Variants in GBF1 observed in about 807,000 individuals in gnomAD.
GBF1 encodes the protein golgi brefeldin A resistant guanine nucleotide exchange factor 1, also known as Golgi-specific brefeldin A-resistance guanine nucleotide exchange factor 1.
In GBF1, 114 loss-of-function variants were observed where a neutral mutation model predicts 210.5. That is an observed-to-expected ratio of 0.54 (90% CI 0.47 to 0.63). GBF1 has a LOEUF of 0.63. Ranked by LOEUF, GBF1 falls within the 30% of genes least tolerant of loss-of-function variation. The probability of loss-of-function intolerance (pLI) is 0.00; values close to 1 mark genes in which losing one functional copy is unlikely to be tolerated. For missense variants in GBF1, 1,851 were observed against 2,357.7 expected (o/e 0.79, Z 4.45); for synonymous variants, 850 against 889.2 (o/e 0.96, Z 0.78).
At chr10:102,376,238 A>T in intron 30 of GBF1, 34 bp from the exon 31 acceptor site, 1 of 1,592,602 alleles carries the variant, frequency 6.3e-7, no homozygotes, top group Non-Finnish European at 8.6e-7. Flanking sequence ...CCCCATCCCC[A>T]CCCTGACTCT....
At chr10:102,360,462 G>T in intron 12 of GBF1, 67 bp downstream of exon 12, 1 of 1,049,326 alleles carries the variant, frequency 9.5e-7, no homozygotes, top group Non-Finnish European at 1.5e-6. Flanking sequence ...GGGAGGTCTG[G>T]CTGATTACGC....
Position 102,363,865 on chromosome 10 carries a change from T to C in GBF1, c.2106+67T>C. On this transcript the variant is annotated intron_variant, in intron 17 of 39. Coordinates refer to ENST00000369983, the MANE Select transcript of GBF1 (RefSeq NM_001377137.1). This position sits in a 1 kb window ranked among gnomAD's most constrained non-coding sequence, Gnocchi z 4.2. The stretch of plus-strand genomic sequence containing the variant: ...GGTGTCCAGTGTTGTAGGGTTTCCA[T>C]CTCAGAAGATGAAGGAGAGTCTAGC... 2 of 948,558 alleles carry C rather than the reference T, an allele frequency of 2.1e-6. No individual in the cohort carries two copies. Among genetic ancestry groups the C allele is most frequent in the South Asian group, 1.3e-5 (1 of 74,746 alleles). The allele number at this position is 948,558 out of a possible 1,614,324, so 58.8% of individuals were successfully genotyped here. A position where few individuals can be genotyped will look rare whatever the true frequency, so the allele number is the denominator to read the frequency against.
chr10:102,368,749 A>G lies in GBF1; in HGVS notation c.2890A>G (p.Met964Val). 1 of 1,612,034 alleles carries G rather than the reference A, an allele frequency of 6.2e-7. No individual in the cohort carries two copies. Among genetic ancestry groups the G allele is most frequent in the Non-Finnish European group, 8.5e-7 (1 of 1,178,126 alleles). The change falls in exon 23 of 40, where the codon ATG (methionine) becomes GTG (valine). Residue 964 changes from methionine (M) to valine (V), a missense_variant. Met to Val is a conservative substitution (Grantham distance 21, BLOSUM62 1). Around this residue, in one of 3 missense-constraint regions of GBF1, gnomAD observed 967 missense variants for 1,247.7 expected, o/e 0.78. Coordinates refer to ENST00000369983, the MANE Select transcript of GBF1 (RefSeq NM_001377137.1). ...KAISGFRKCA[M>V]ISAHYGLSDV... is the part of the protein sequence containing the mutation. Reference sequence around the variant, plus strand: ...GGGGTAACATTACAGGAAGTGCGCCATGATCTCCGCCCACTATGGCCTCAG... The same window carrying G: ...GGGGTAACATTACAGGAAGTGCGCCGTGATCTCCGCCCACTATGGCCTCAG...
At position 102,375,491 on chromosome 10, in the gene GBF1, G is replaced by A. The variant is rs1265873461; in HGVS notation, c.3793G>A (p.Ala1265Thr). 1 of 1,613,772 alleles carries A rather than the reference G, an allele frequency of 6.2e-7. No homozygotes were observed. Among genetic ancestry groups the A allele is most frequent in the Non-Finnish European group, 8.5e-7 (1 of 1,179,776 alleles). The change falls in exon 30 of 40, where the codon GCC (alanine) becomes ACC (threonine). Residue 1265 changes from alanine (A) to threonine (T), a missense_variant. Ala to Thr is a moderately conservative substitution (Grantham distance 58, BLOSUM62 0). Around this residue, in one of 3 missense-constraint regions of GBF1, gnomAD observed 967 missense variants for 1,247.7 expected, o/e 0.78. Transcript: ENST00000369983. ...AANIHSGDDW[A>T]TLFTLLECIG... ...CAACATCCACTCAGGTGATGACTGG[G>A]CCACACTCTTCACACTGCTGGAGTG... is the stretch of plus-strand genomic sequence containing the variant.
intron 11 of GBF1, 49 bp downstream of exon 11, chr10:102,359,484 C>T (rs71471243): frequency 1.4e-6 from 2 of 1,392,690 alleles, no homozygotes; most frequent in Non-Finnish European, 2.0e-6. Flanking sequence ...ATCCTACCTA[C>T]TAAGCTGCCT....
chr10:102,293,010 TTCAA>T (rs1245586877), intron 3 of GBF1, among the ~76,000 whole-genome samples: 38 of 152,352 alleles, frequency 2.5e-4, no homozygotes, highest in African/African-American at 8.9e-4. Context: ...TCTTTAAATT[TTCAA>T]TCATTCTTAA....
intron 32 of GBF1, 24 bp downstream of exon 32, chr10:102,376,824 G>A: frequency 3.7e-6 from 6 of 1,609,174 alleles, no homozygotes; most frequent in Non-Finnish European, 5.1e-6. Context: ...TGAGGGGGCA[G>A]CTGGGGAGTA....
At chr10:102,294,685 T>C (rs933528991) in intron 3 of GBF1, among the ~76,000 whole-genome samples, 6 of 152,128 alleles carry the variant, frequency 3.9e-5, no homozygotes, top group African/African-American at 1.4e-4. Context: ...CCATTTTGTA[T>C]CTTTTATGCA....
chr10:102,231,680 G>A, the GBF1 span: 1 of 1,612,108 alleles, frequency 6.2e-7, no homozygotes, highest in South Asian at 1.1e-5. Context: ...GTCGCCTCTA[G>A]CTCCTGTAGC....
chr10:102,343,799 CAAAAA>C (rs56360033), intron 3 of GBF1, among the ~76,000 whole-genome samples: 1 of 124,306 alleles, frequency 8.0e-6, no homozygotes, highest in Admixed American at 8.2e-5. Flanking sequence ...CTCTGTCTGA[CAAAAA>C]AAAAAAAAAA....
chr10:102,382,098 C>A lies in GBF1; in HGVS notation c.5345C>A (p.Ser1782Tyr), dbSNP rs1394477211. 1 of 1,586,066 alleles carries A rather than the reference C, an allele frequency of 6.3e-7. No individual in the cohort carries two copies. The highest frequency in any genetic ancestry group is 1.4e-5 in the African/African-American group (1 of 74,042). ...PESPRAASSS[S>Y]PGSPVASSPS... ...AGCCCCCGAGCCGCCAGCAGCAGCT[C>A]CCCAGGATCACCAGTGGCCTCAAGC... Residue 1782 changes from serine to tyrosine, a missense_variant, in exon 40 of 40, where the codon TCC becomes TAC. By Grantham distance (144) the Ser-to-Tyr change is moderately radical (BLOSUM62 -2). This residue lies in a region of GBF1 where 967 missense variants were observed against 1,247.7 expected (regional missense o/e 0.78). Coordinates refer to ENST00000369983, the MANE Select transcript of GBF1 (RefSeq NM_001377137.1).
At chr10:102,360,417 G>C in intron 12 of GBF1, 22 bp downstream of exon 12, 3 of 1,487,944 alleles carry the variant, frequency 2.0e-6, no homozygotes, top group Non-Finnish European at 2.8e-6. Context: ...TTGCTAGAGG[G>C]TCTCAGAGCC....
chr10:102,323,865 A>G (rs2056658380), intron 3 of GBF1, among the ~76,000 whole-genome samples: 1 of 152,172 alleles, frequency 6.6e-6, no homozygotes, highest in African/African-American at 2.4e-5. Context: ...ACAGAAATAC[A>G]GAGTTCACTT....
chr10:102,267,168 A>G (rs576343671), intron 3 of GBF1, among the ~76,000 whole-genome samples: 25 of 152,204 alleles, frequency 1.6e-4, no homozygotes, highest in Non-Finnish European at 3.4e-4. Flanking sequence ...GTGTAGAGAA[A>G]AGAGATTTTA....
intron 14 of GBF1, among the ~76,000 whole-genome samples, chr10:102,362,256 C>T (rs902513732): frequency 6.6e-6 from 1 of 151,652 alleles, no homozygotes; most frequent in African/African-American, 2.4e-5. Context: ...CGGGGTTTCA[C>T]CATGTTAGCC....
intron 3 of GBF1, among the ~76,000 whole-genome samples, chr10:102,282,088 G>A (rs1472149917): frequency 2.2e-5 from 3 of 137,906 alleles, no homozygotes; most frequent in Admixed American, 7.5e-5. Context: ...CACCACACCC[G>A]GCTAATTTTT....
rs780120198 is a variant in GBF1, at chr10:102,365,493, A to G, written c.2203A>G (p.Thr735Ala). 5.6e-6 allele frequency: 9 copies of G among 1,614,062 alleles called. No homozygotes were observed. The highest frequency in any genetic ancestry group is 6.8e-6 in the Non-Finnish European group (8 of 1,179,898). ...CCTCCTCACCATCCCAATGGACAACACAGAGGTTGCTCAGTGGCTCCGAGA... is the reference window on the plus strand; with the variant it reads ...CCTCCTCACCATCCCAATGGACAACGCAGAGGTTGCTCAGTGGCTCCGAGA... ...KGLLTIPMDN[T>A]EVAQWLRENP... Residue 735 changes from threonine to alanine, a missense_variant, in exon 18 of 40, where the codon ACA (threonine) becomes GCA (alanine). Physicochemically the swap from Thr to Ala is moderately conservative, Grantham distance 58. Around this residue, in one of 3 missense-constraint regions of GBF1, gnomAD observed 804 missense variants for 958.6 expected, o/e 0.84. Coordinates refer to ENST00000369983, the MANE Select transcript of GBF1 (RefSeq NM_001377137.1).
chr10:102,379,815 A>T (rs374950446), intron 35 of GBF1, 38 bp from the exon 36 acceptor site: 6 of 1,536,990 alleles, frequency 3.9e-6, no homozygotes, highest in Non-Finnish European at 5.4e-6. Flanking sequence ...TGCCTAGCTG[A>T]ACCTCATAGG....
the GBF1 span, among the ~76,000 whole-genome samples, chr10:102,237,478 A>G: frequency 6.6e-6 from 1 of 152,174 alleles, no homozygotes; most frequent in African/African-American, 2.4e-5. Flanking sequence ...GGGGCCTCCA[A>G]TGGGGGACAA....
Sources: allele counts gnomAD v4.1 joint callset (sites outside exome capture counted in the v4.1 genomes callset), GRCh38; gene constraint gnomAD v4.1.1; regional missense constraint gnomAD v4.1.1; non-coding constraint Gnocchi (gnomAD v3.1); transcripts MANE v1.5; gene names NCBI Gene and HGNC (gene_info 2026-07-23, HGNC 2026-07-21).